Variants in ECT2L observed in about 807,000 individuals in gnomAD.
ECT2L encodes the protein epithelial cell-transforming sequence 2 oncogene-like.
A neutral mutation model predicts 122.8 loss-of-function variants in ECT2L; 126 were observed. The observed-to-expected ratio is 1.03, with a 90% confidence interval of 0.89 to 1.19. The LOEUF is 1.19. Among genes scored for constraint, ECT2L ranks in the 50% most tolerant of loss-of-function variants. The pLI is 0.00. For missense variants in ECT2L, 1,012 were observed against 1,064.1 expected (o/e 0.95, Z 0.68); for synonymous variants, 385 against 381.8 (o/e 1.01, Z -0.10).
Position 138,853,109 on chromosome 6 carries a change from A to G in ECT2L, c.1070-917A>G, listed in dbSNP as rs530984374. On this transcript the variant is annotated intron_variant, in intron 9 of 21. Coordinates refer to ENST00000541398, the MANE Select transcript of ECT2L (RefSeq NM_001077706.3). ...CAGCCTCCTGAGTACCTGGGACTAC[A>G]GGTGTGCACCACCACGCCCAGCTGA... 5.3e-5 allele frequency among the ~76,000 whole-genome samples: 8 copies of G among 152,228 alleles called. No homozygotes were observed. The East Asian group carries it at 1.5e-3, about 29-fold the overall frequency.
chr6:138,803,418 C>T (rs950817449), intron 1 of ECT2L, among the ~76,000 whole-genome samples: 1 of 152,096 alleles, frequency 6.6e-6, no homozygotes, highest in Non-Finnish European at 1.5e-5. Flanking sequence ...ATGTTCAGCT[C>T]ATTATATAAC....
chr6:138,877,546 T>G (rs998759060), intron 14 of ECT2L, among the ~76,000 whole-genome samples: 1 of 152,154 alleles, frequency 6.6e-6, no homozygotes, highest in East Asian at 1.9e-4. Context: ...AAAAAAATAA[T>G]ATGGACTGTA....
At chr6:138,826,201 T>G (rs1242417242) in intron 4 of ECT2L, among the ~76,000 whole-genome samples, 6 of 152,222 alleles carry the variant, frequency 3.9e-5, no homozygotes, top group African/African-American at 1.4e-4. Context: ...ATTCCAATTC[T>G]CTCAGCTCTC....
chr6:138,797,507 AAC>A (rs1032987556), intron 1 of ECT2L, among the ~76,000 whole-genome samples: 7 of 152,302 alleles, frequency 4.6e-5, no homozygotes, highest in African/African-American at 1.7e-4. Flanking sequence ...CCAGCTGTAT[AAC>A]AGATAACCTG....
chr6:138,888,317 C>CTTTT (rs71270363), intron 19 of ECT2L, among the ~76,000 whole-genome samples: 1 of 128,642 alleles, frequency 7.8e-6, no homozygotes. Flanking sequence ...TTTTTCTTTT[C>CTTTT]TTTTTTTTTT....
At chr6:138,838,997 G>T (rs1776945261) in intron 5 of ECT2L, among the ~76,000 whole-genome samples, 1 of 152,174 alleles carries the variant, frequency 6.6e-6, no homozygotes. Flanking sequence ...GGTCAGGCTT[G>T]TCTCGCACTC....
chr6:138,893,176 TTTTTTTTTGTTTTTTTTTG>T, intron 20 of ECT2L, among the ~76,000 whole-genome samples: 1 of 144,280 alleles, frequency 6.9e-6, no homozygotes, highest in Non-Finnish European at 1.5e-5. Context: ...TTTTTTTTGT[TTTTTTTTTGTTTTTTTTTG>T]TTTTTTTTTC....
chr6:138,826,878 C>T (rs1460967105), intron 4 of ECT2L, among the ~76,000 whole-genome samples: 1 of 152,044 alleles, frequency 6.6e-6, no homozygotes, highest in African/African-American at 2.4e-5. Flanking sequence ...CACCCATCCC[C>T]CACTGTCTCA....
At chr6:138,887,506 G>A (rs961657563) in intron 19 of ECT2L, among the ~76,000 whole-genome samples, 4 of 152,038 alleles carry the variant, frequency 2.6e-5, no homozygotes, top group Admixed American at 2.0e-4. Context: ...TTACAGGCGT[G>A]AGCCACCACG....
chr6:138,856,417 ATTGGCCAGGCTGGTCTAGAAC>A (rs1258925218), intron 10 of ECT2L, among the ~76,000 whole-genome samples: 2 of 151,714 alleles, frequency 1.3e-5, no homozygotes, highest in East Asian at 3.9e-4. Context: ...GTTTCACCAT[ATTGGCCAGGCTGGTCTAGAAC>A]TTCTGACCTC....
intron 6 of ECT2L, 47 bp from the exon 7 acceptor site, chr6:138,844,365 G>C (rs781132733): frequency 1.9e-6 from 3 of 1,592,988 alleles, no homozygotes; most frequent in South Asian, 2.2e-5. Flanking sequence ...ACTTGGCTGG[G>C]AGAAGTATGA....
At chr6:138,805,634 T>A (rs1411975735) in intron 1 of ECT2L, among the ~76,000 whole-genome samples, 1 of 152,194 alleles carries the variant, frequency 6.6e-6, no homozygotes, top group Non-Finnish European at 1.5e-5. Context: ...ATGACTTCAT[T>A]TGCACATCTG....
At chr6:138,860,607 C>A (rs938396254) in intron 10 of ECT2L, among the ~76,000 whole-genome samples, 2 of 151,848 alleles carry the variant, frequency 1.3e-5, no homozygotes, top group African/African-American at 4.8e-5. Context: ...TATTCTTGGA[C>A]CACAAATAGT....
At chr6:138,855,774 C>T (rs1249619211) in intron 10 of ECT2L, among the ~76,000 whole-genome samples, 1 of 152,074 alleles carries the variant, frequency 6.6e-6, no homozygotes, top group Non-Finnish European at 1.5e-5. Flanking sequence ...TTTCCTTTTT[C>T]TCTCCCTTTT....
chr6:138,899,312 G>A (rs1021128664), intron 20 of ECT2L, among the ~76,000 whole-genome samples: 2 of 152,186 alleles, frequency 1.3e-5, no homozygotes, highest in Non-Finnish European at 2.9e-5. Flanking sequence ...TCATTAAAAA[G>A]AAGGAATAAA....
intron 12 of ECT2L, among the ~76,000 whole-genome samples, chr6:138,867,551 TGTAATCC>T (rs1778088931): frequency 6.6e-6 from 1 of 151,174 alleles, no homozygotes; most frequent in South Asian, 2.1e-4. Flanking sequence ...GGCTCACGCC[TGTAATCC>T]CAGCACTTTG....
chr6:138,838,806 T>C (rs572596796), intron 5 of ECT2L, among the ~76,000 whole-genome samples: 4 of 152,328 alleles, frequency 2.6e-5, no homozygotes, highest in African/African-American at 9.6e-5. Flanking sequence ...TGAGACGGAG[T>C]CTCGCTCTGT....
chr6:138,885,440 C>A, intron 16 of ECT2L, 66 bp from the exon 17 acceptor site: 1 of 1,497,596 alleles, frequency 6.7e-7, no homozygotes, highest in Non-Finnish European at 9.3e-7. Flanking sequence ...ATCATGCTTG[C>A]TCAGTGGAAC....
At chr6:138,900,803 A>T in intron 20 of ECT2L, 145 bp from the exon 21 acceptor site, 2 of 861,642 alleles carry the variant, frequency 2.3e-6, no homozygotes, top group South Asian at 1.8e-5. Context: ...GAGGAATATT[A>T]TACTGAGAAC....
Sources: gnomAD v4.1 joint callset for allele counts (sites outside exome capture counted in the v4.1 genomes callset) on GRCh38, gnomAD v4.1.1 for gene constraint, MANE v1.5 for transcripts, NCBI Gene and HGNC (gene_info 2026-07-23, HGNC 2026-07-21) for gene names.